The following ZNF385D variants were observed in gnomAD, a reference collection of about 807,000 sequenced individuals.
ZNF385D encodes zinc finger protein 385D.
In ZNF385D, 15 loss-of-function variants were observed where a neutral mutation model predicts 35.8. The ratio of observed to expected loss-of-function variants is 0.42; its 90% CI spans 0.28 to 0.64. The LOEUF (loss-of-function observed/expected upper bound fraction) is 0.64. Among genes scored for constraint, ZNF385D ranks in the 30% least tolerant of loss-of-function variants. The probability of loss-of-function intolerance (pLI) is 0.23; values close to 1 mark genes in which losing one functional copy is unlikely to be tolerated. For synonymous variants in ZNF385D, 212 were observed against 186.8 expected, an observed-to-expected ratio of 1.13 and a Z score of -1.10; for missense variants, 474 against 494.6, an observed-to-expected ratio of 0.96 and a Z score of 0.39.
At chr3:22,348,623 C>G (rs112724544) in intron 2 of ZNF385D, among the ~76,000 whole-genome samples, 31,432 of 149,906 alleles carry the variant, frequency 0.21, 3,763 homozygotes, top group Non-Finnish European at 0.28. Context: ...CGAGATCACG[C>G]CATTGCACTC....
At chr3:21,878,373 A>G (rs545286849) in intron 3 of ZNF385D, among the ~76,000 whole-genome samples, 4 of 152,176 alleles carry the variant, frequency 2.6e-5, no homozygotes, top group Admixed American at 2.6e-4. Context: ...AGCCTGTTTC[A>G]TAAGGAACTC....
chr3:22,255,280 C>A (rs1236049304), intron 2 of ZNF385D, among the ~76,000 whole-genome samples: 5 of 150,976 alleles, frequency 3.3e-5, no homozygotes, highest in Admixed American at 6.6e-5. Context: ...TTCCCCCCCC[C>A]AAAATTGTGT....
chr3:22,170,116 C>A (rs997020239), intron 2 of ZNF385D, among the ~76,000 whole-genome samples: 1 of 152,154 alleles, frequency 6.6e-6, no homozygotes, highest in African/African-American at 2.4e-5. Context: ...TTCTCCATTC[C>A]AATTCTCCCA....
At chr3:21,502,803 C>G (rs553669636) in intron 4 of ZNF385D, among the ~76,000 whole-genome samples, 71 of 152,298 alleles carry the variant, frequency 4.7e-4, no homozygotes, top group African/African-American at 1.7e-3. Context: ...GATAAAATCT[C>G]TTTCTTTGAC....
chr3:22,206,691 G>A, intron 2 of ZNF385D, among the ~76,000 whole-genome samples: 1 of 151,840 alleles, frequency 6.6e-6, no homozygotes, highest in East Asian at 1.9e-4. Context: ...AGTGAATGAA[G>A]AGATTAATAA....
intron 1 of ZNF385D, among the ~76,000 whole-genome samples, chr3:21,667,087 A>C (rs2066430191): frequency 6.6e-6 from 1 of 152,118 alleles, no homozygotes; most frequent in South Asian, 2.1e-4. Flanking sequence ...AAAAACAAAA[A>C]CTCAGAAGTA....
At chr3:22,334,734 C>A (rs1371967213) in intron 2 of ZNF385D, among the ~76,000 whole-genome samples, 1 of 151,394 alleles carries the variant, frequency 6.6e-6, no homozygotes, top group Non-Finnish European at 1.5e-5. Flanking sequence ...TTATTTTTTT[C>A]TTCATATTCA....
At chr3:22,090,191 T>G (rs1199421422) in intron 3 of ZNF385D, among the ~76,000 whole-genome samples, 2 of 152,152 alleles carry the variant, frequency 1.3e-5, no homozygotes, top group Non-Finnish European at 2.9e-5. Context: ...GCTACAAAAT[T>G]TCTGCTCTGG....
intron 2 of ZNF385D, among the ~76,000 whole-genome samples, chr3:22,187,233 C>G (rs1256819342): frequency 6.6e-6 from 1 of 152,160 alleles, no homozygotes. Context: ...GCATCTTGTA[C>G]TGTGGAAGTA....
At chr3:21,661,884 T>A (rs1439195739) in intron 2 of ZNF385D, among the ~76,000 whole-genome samples, 1 of 152,164 alleles carries the variant, frequency 6.6e-6, no homozygotes, top group African/African-American at 2.4e-5. Flanking sequence ...CACCCAAACT[T>A]CATGGTTTAT....
At chr3:21,452,910 AAAG>A (rs2125284907) in intron 4 of ZNF385D, among the ~76,000 whole-genome samples, 1 of 152,112 alleles carries the variant, frequency 6.6e-6, no homozygotes, top group East Asian at 1.9e-4. Flanking sequence ...TGATATTGAA[AAAG>A]AAGAATAAAG....
intron 4 of ZNF385D, among the ~76,000 whole-genome samples, chr3:21,460,504 A>G (rs187287087): frequency 6.6e-6 from 1 of 152,220 alleles, no homozygotes; most frequent in East Asian, 1.9e-4. Context: ...GAACAAAATA[A>G]ATAAAGCAAC....
At chr3:21,468,012 A>C (rs113719858) in intron 4 of ZNF385D, among the ~76,000 whole-genome samples, 1,804 of 152,316 alleles carry the variant, frequency 0.012, 31 homozygotes, top group African/African-American at 0.04. Flanking sequence ...TTTGAAAAAA[A>C]GATTGGCAGT....
intron 3 of ZNF385D, among the ~76,000 whole-genome samples, chr3:21,765,356 C>T (rs533426781): frequency 6.6e-6 from 1 of 152,002 alleles, no homozygotes; most frequent in Non-Finnish European, 1.5e-5. Flanking sequence ...AGCTGCCAAG[C>T]CATTCTCCTC....
At chr3:22,163,903 A>T (rs146972117) in intron 3 of ZNF385D, among the ~76,000 whole-genome samples, 3 of 103,414 alleles carry the variant, frequency 2.9e-5, no homozygotes, top group Non-Finnish European at 6.6e-5. Flanking sequence ...AAAAAGGATG[A>T]TGTGCTTACT....
At chr3:21,699,976 T>C (rs1241090887) in intron 1 of ZNF385D, among the ~76,000 whole-genome samples, 1 of 151,790 alleles carries the variant, frequency 6.6e-6, no homozygotes, top group African/African-American at 2.4e-5. Context: ...GGATTACAGG[T>C]GCATGCCACC....
At chr3:22,228,245 T>A (rs1399346291) in intron 2 of ZNF385D, among the ~76,000 whole-genome samples, 1 of 152,200 alleles carries the variant, frequency 6.6e-6, no homozygotes, top group East Asian at 1.9e-4. Flanking sequence ...AAGGCTCTTT[T>A]CAGAGCCATC....
chr3:22,002,811 T>G (rs966257347), intron 3 of ZNF385D, among the ~76,000 whole-genome samples: 1 of 152,132 alleles, frequency 6.6e-6, no homozygotes, highest in African/African-American at 2.4e-5. Context: ...ACATGATACA[T>G]TACATTAACA....
intron 3 of ZNF385D, among the ~76,000 whole-genome samples, chr3:21,896,870 T>C (rs900468888): frequency 6.6e-6 from 1 of 151,956 alleles, no homozygotes; most frequent in Non-Finnish European, 1.5e-5. Flanking sequence ...GTTTGTTGTC[T>C]GCAATGGAGA....
Sources: allele counts gnomAD v4.1 joint callset (sites outside exome capture counted in the v4.1 genomes callset), GRCh38; gene constraint gnomAD v4.1.1; transcripts MANE v1.5; gene names NCBI Gene and HGNC (gene_info 2026-07-23, HGNC 2026-07-21).